Variants in NELL1 observed in about 807,000 individuals in gnomAD.
The protein encoded by NELL1 is neural EGFL like 1.
In NELL1, 76 loss-of-function variants were observed where a neutral mutation model predicts 107.4. The ratio of observed to expected loss-of-function variants is 0.71; its 90% confidence interval spans 0.59 to 0.86. The LOEUF (loss-of-function observed/expected upper bound fraction) is 0.86, where lower values mean the gene tolerates loss of function less well. Ranked by LOEUF, NELL1 falls within the 40% of genes least tolerant of loss-of-function variation. The pLI, the probability that NELL1 is intolerant of heterozygous loss-of-function variation, is 0.00. For synonymous variants in NELL1, 353 were observed against 341.2 expected, an observed-to-expected ratio of 1.03 and a Z score of -0.38; for missense variants, 1,024 against 1,005.5, an observed-to-expected ratio of 1.02 and a Z score of -0.25.
chr11:20,995,813 CA>C (rs1852079170), intron 12 of NELL1, among the ~76,000 whole-genome samples: 1 of 152,110 alleles, frequency 6.6e-6, no homozygotes, highest in African/African-American at 2.4e-5. Context: ...TTCTGTAAAT[CA>C]CCTCCTTAGA....
chr11:20,961,804 T>G (rs555099722), intron 12 of NELL1, among the ~76,000 whole-genome samples: 17 of 152,254 alleles, frequency 1.1e-4, no homozygotes, highest in African/African-American at 3.9e-4. Context: ...TGTGTAGATT[T>G]GGGTATACAC....
chr11:21,191,839 A>T (rs1335340062), intron 13 of NELL1, among the ~76,000 whole-genome samples: 2 of 151,980 alleles, frequency 1.3e-5, no homozygotes, highest in Non-Finnish European at 2.9e-5. Flanking sequence ...TGATGTGAAA[A>T]GCAAATGAAA....
At chr11:21,477,911 AATT>A (rs200256500) in intron 15 of NELL1, among the ~76,000 whole-genome samples, 2,695 of 57,768 alleles carry the variant, frequency 0.047, 94 homozygotes, top group African/African-American at 0.13. Flanking sequence ...AATTATAAGA[AATT>A]ATAATAAAAA....
chr11:20,717,912 CT>C (rs1855290764), intron 2 of NELL1, among the ~76,000 whole-genome samples: 1 of 152,170 alleles, frequency 6.6e-6, no homozygotes, highest in Non-Finnish European at 1.5e-5. Context: ...AGTGTAGCCC[CT>C]GTCACAATAT....
In NELL1 at chr11:21,568,149, T is replaced by C. The variant is rs1408561877; in HGVS notation, c.1981-2615T>C. Among the ~76,000 whole-genome samples, 3 of 151,902 alleles carry C rather than the reference T, an allele frequency of 2.0e-5. No homozygotes were observed. In the South Asian group the frequency reaches 6.2e-4, roughly 31 times the overall value. On this transcript the variant is annotated intron_variant, in intron 17 of 19. Coordinates refer to ENST00000357134, the MANE Select transcript of NELL1 (RefSeq NM_006157.5). Reference sequence around the variant, plus strand: ...CACACCTAGGCTATTTGGTATAGTCTATTGCTTCTAGGCTATAAACCTGGA... The same window carrying C: ...CACACCTAGGCTATTTGGTATAGTCCATTGCTTCTAGGCTATAAACCTGGA...
At chr11:20,984,824 C>T (rs1399838230) in intron 12 of NELL1, among the ~76,000 whole-genome samples, 4 of 152,152 alleles carry the variant, frequency 2.6e-5, no homozygotes, top group African/African-American at 9.7e-5. Flanking sequence ...GGTACATTAA[C>T]TCGCTTTGGT....
chr11:21,213,514 A>G (rs1487813813), intron 13 of NELL1, among the ~76,000 whole-genome samples: 1 of 152,098 alleles, frequency 6.6e-6, no homozygotes, highest in African/African-American at 2.4e-5. Context: ...ATTGAATTGA[A>G]TTGAATCAAT....
chr11:21,012,715 G>C (rs1325896820), intron 12 of NELL1, among the ~76,000 whole-genome samples: 1 of 152,092 alleles, frequency 6.6e-6, no homozygotes, highest in Non-Finnish European at 1.5e-5. Context: ...AATTGGTTGG[G>C]TCAGGGATGA....
intron 15 of NELL1, among the ~76,000 whole-genome samples, chr11:21,388,830 C>T (rs541665782): frequency 1.2e-4 from 18 of 151,880 alleles, no homozygotes; most frequent in African/African-American, 2.4e-4. Flanking sequence ...ATAACATTTC[C>T]GGAAAGATGT....
chr11:21,070,545 A>G (rs568209200), intron 12 of NELL1, among the ~76,000 whole-genome samples: 1 of 152,278 alleles, frequency 6.6e-6, no homozygotes, highest in East Asian at 1.9e-4. Context: ...CTGAAATTGA[A>G]CAATATTTTT....
Position 21,241,881 on chromosome 11 carries a change from G to A in NELL1, c.1549+12427G>A, listed in dbSNP as rs1014460153. On this transcript the variant is annotated intron_variant, in intron 14 of 19. Coordinates refer to ENST00000357134, the MANE Select transcript of NELL1 (RefSeq NM_006157.5). ...TTAAAACACAGCCATCTTCTGGTTC[G>A]ACTGAATTCGATGTCTGTTTCTATT... Among the ~76,000 whole-genome samples, 7 of 148,012 alleles carry A rather than the reference G, an allele frequency of 4.7e-5. No individual in the cohort carries two copies. The South Asian group carries it at 6.4e-4, about 14-fold the overall frequency.
intron 13 of NELL1, among the ~76,000 whole-genome samples, chr11:21,144,609 T>C (rs1670634): frequency 0.32 from 48,240 of 151,848 alleles, 7,851 homozygotes; most frequent in Non-Finnish European, 0.34. Flanking sequence ...CCCAGGGAAA[T>C]GTTCCTAGGA....
intron 5 of NELL1, among the ~76,000 whole-genome samples, chr11:20,915,113 A>G (rs1381218223): frequency 1.3e-5 from 2 of 152,058 alleles, no homozygotes; most frequent in South Asian, 2.1e-4. Context: ...ATGAAAATCT[A>G]TTATCTTTGG....
chr11:21,292,991 C>T (rs200957669), intron 14 of NELL1, among the ~76,000 whole-genome samples: 1 of 152,144 alleles, frequency 6.6e-6, no homozygotes, highest in African/African-American at 2.4e-5. Flanking sequence ...AAAACCTAGG[C>T]AATACCATTC....
chr11:20,999,189 C>G (rs1241889212), intron 12 of NELL1, among the ~76,000 whole-genome samples: 2 of 152,156 alleles, frequency 1.3e-5, no homozygotes, highest in Admixed American at 6.6e-5. Context: ...CCTGTCATGG[C>G]AGAATTCTGT....
At chr11:21,557,932 C>T (rs1232001244) in intron 16 of NELL1, among the ~76,000 whole-genome samples, 2 of 152,004 alleles carry the variant, frequency 1.3e-5, no homozygotes, top group Non-Finnish European at 2.9e-5. Flanking sequence ...AATTTAGTGT[C>T]TGCCCTCAAT....
At chr11:21,521,501 G>T (rs1855722878) in intron 15 of NELL1, among the ~76,000 whole-genome samples, 1 of 148,706 alleles carries the variant, frequency 6.7e-6, no homozygotes. Flanking sequence ...TGCCAATATT[G>T]TTCATGTCTT....
intron 15 of NELL1, among the ~76,000 whole-genome samples, chr11:21,429,774 T>G (rs1226339098): frequency 6.6e-6 from 1 of 152,176 alleles, no homozygotes; most frequent in African/African-American, 2.4e-5. Flanking sequence ...ATAACATAAA[T>G]TGACAACCTT....
At chr11:20,937,511 A>T (rs1006260084) in intron 9 of NELL1, among the ~76,000 whole-genome samples, 22 of 152,360 alleles carry the variant, frequency 1.4e-4, no homozygotes, top group African/African-American at 4.1e-4. Context: ...TTCTTACTAC[A>T]TCAGTTCATT....
Sources: allele counts gnomAD v4.1 joint callset (sites outside exome capture counted in the v4.1 genomes callset), GRCh38; gene constraint gnomAD v4.1.1; transcripts MANE v1.5; gene names NCBI Gene and HGNC (gene_info 2026-07-23, HGNC 2026-07-21).